MYLK: variants seen among roughly 807,000 people sequenced by gnomAD.
MYLK encodes myosin light chain kinase, also known as myosin light chain kinase, smooth muscle.
MYLK carries 106 observed loss-of-function variants against 203.4 expected under a neutral mutation model. The ratio of observed to expected loss-of-function variants is 0.52; its 90% CI spans 0.45 to 0.61. The LOEUF (loss-of-function observed/expected upper bound fraction) is 0.61, where lower values mean the gene tolerates loss of function less well. Ranked by LOEUF, MYLK falls within the 20% of genes least tolerant of loss-of-function variation. The pLI is 0.00. For synonymous variants in MYLK, 867 were observed against 959.5 expected (o/e 0.90, Z 1.78); for missense variants, 2,072 against 2,442.3 (o/e 0.85, Z 3.20).
At chr3:123,772,496 G>A (rs1560198227) in intron 4 of MYLK, among the ~76,000 whole-genome samples, 1 of 151,896 alleles carries the variant, frequency 6.6e-6, no homozygotes, top group Non-Finnish European at 1.5e-5. Flanking sequence ...GAAGAAATGT[G>A]GATATAATCT....
chr3:123,777,437 G>T (rs1001244141), intron 4 of MYLK, among the ~76,000 whole-genome samples: 1 of 152,194 alleles, frequency 6.6e-6, no homozygotes, highest in Non-Finnish European at 1.5e-5. Context: ...TTATAAGCAC[G>T]GGGCTGGCCA....
rs114498581 is a variant in MYLK, at chr3:123,813,291, G to C, written c.-4+18257C>G. Among the ~76,000 whole-genome samples the C allele has an allele frequency of 5.3e-3, 802 of 152,322 alleles. 5 individuals carry two copies. The highest frequency in any genetic ancestry group is 0.018 in the African/African-American group (749 of 41,572). On this transcript the variant is annotated intron_variant, in intron 3 of 33. Transcript: ENST00000360304. Reference sequence around the variant, plus strand: ...TTGAGATTTTAATGGTCATGTACCAGGTTTGTGGGATGGGGGAGGAAGACT... The same window carrying C: ...TTGAGATTTTAATGGTCATGTACCACGTTTGTGGGATGGGGGAGGAAGACT...
At chr3:123,698,287 T>C (rs1464780006) in intron 18 of MYLK, among the ~76,000 whole-genome samples, 1 of 152,122 alleles carries the variant, frequency 6.6e-6, no homozygotes, top group Non-Finnish European at 1.5e-5. Flanking sequence ...TCAAGAAAGA[T>C]ATTAAGAATG....
At chr3:123,621,249 T>C (rs1279014400) in intron 31 of MYLK, 1 of 152,230 alleles carries the variant, frequency 6.6e-6, no homozygotes, top group Non-Finnish European at 1.5e-5. Context: ...ACCTTTTTTC[T>C]AAGGTTAACA....
rs2057215943 is a variant in MYLK at position 123,610,052 on chromosome 3, A to G, written c.*4053T>C. The stretch of plus-strand genomic sequence containing the variant: ...AAAGAATTAAGAACAACAACACTTG[A>G]GTATCGAGACTATATTATCCAATAC... On this transcript the variant is annotated 3_prime_UTR_variant, in exon 34 of 34. Coordinates refer to ENST00000360304, the MANE Select transcript of MYLK (RefSeq NM_053025.4). 1 of 152,218 alleles carries G rather than the reference A, an allele frequency of 6.6e-6. No homozygotes were observed. Among genetic ancestry groups the G allele is most frequent in the South Asian group, 2.1e-4 (1 of 4,830 alleles). The allele number at this position is 152,218 out of a possible 1,614,324, so 9.4% of individuals were successfully genotyped here. A position where few individuals can be genotyped will look rare whatever the true frequency, so the allele number is the denominator to read the frequency against.
rs1553826494 is a variant in MYLK at position 123,740,008 on chromosome 3, G to T, written c.374-7C>A. The T allele has an allele frequency of 6.2e-7, 1 of 1,613,686 alleles. No individual in the cohort carries two copies. Among genetic ancestry groups the T allele is most frequent in the African/African-American group, 1.3e-5 (1 of 74,932 alleles). On this transcript the variant is annotated splice_region_variant and splice_polypyrimidine_tract_variant and intron_variant, in intron 5 of 33. Transcript: ENST00000360304. Reference sequence around the variant, plus strand: ...AGCTGCTTCGCAAAACTTCCTGCAAGAAAAAGAGTTGATGAGTCAGGTCTG... The same window carrying T: ...AGCTGCTTCGCAAAACTTCCTGCAATAAAAAGAGTTGATGAGTCAGGTCTG...
intron 24 of MYLK, among the ~76,000 whole-genome samples, chr3:123,652,173 TGA>T (rs1165984543): frequency 6.6e-6 from 1 of 150,704 alleles, no homozygotes; most frequent in Non-Finnish European, 1.5e-5. Flanking sequence ...AGGGGAGGAG[TGA>T]GAGAGAAGTA....
chr3:123,814,419 G>T (rs1224318874), intron 3 of MYLK, among the ~76,000 whole-genome samples: 1 of 152,126 alleles, frequency 6.6e-6, no homozygotes, highest in Non-Finnish European at 1.5e-5. Context: ...ACTCACCCGA[G>T]TTCCCTTGTC....
rs145432168 is a variant in MYLK, at chr3:123,664,006, G to A, written c.3985+99C>T. Reference sequence around the variant, plus strand: ...TAAATCAGGCACAGGAGTGGTGAGAGATAATGGGTGATGAAGTCCTGAGGC... The same window carrying A: ...TAAATCAGGCACAGGAGTGGTGAGAAATAATGGGTGATGAAGTCCTGAGGC... On this transcript the variant is annotated intron_variant, in intron 23 of 33. Transcript: ENST00000360304. 91 of 1,528,164 alleles carry A rather than the reference G, an allele frequency of 6.0e-5. No homozygotes were observed. The African/African-American group carries it at 1.2e-3, about 20-fold the overall frequency. The allele number at this position is 1,528,164 out of a possible 1,614,324, so 94.7% of individuals were successfully genotyped here.
At chr3:123,876,952 G>T (rs2033187248) in intron 1 of MYLK, among the ~76,000 whole-genome samples, 1 of 152,138 alleles carries the variant, frequency 6.6e-6, no homozygotes, top group Admixed American at 6.5e-5. Flanking sequence ...TTTATGACTT[G>T]TCTCTGTAAA....
chr3:123,735,557 T>A, intron 8 of MYLK, 141 bp from the exon 9 acceptor site: 1 of 883,118 alleles, frequency 1.1e-6, no homozygotes, highest in Non-Finnish European at 1.9e-6. Flanking sequence ...GTCTTTGGCC[T>A]TTGAACTCCC....
rs2058331245 is a variant in MYLK at position 123,629,723 on chromosome 3, C to T, written c.4962-97G>A. 2 of 1,313,820 alleles carry T rather than the reference C, an allele frequency of 1.5e-6. No homozygotes were observed. Among genetic ancestry groups the T allele is most frequent in the Non-Finnish European group, 2.2e-6 (2 of 916,914 alleles). 81.4% of individuals were successfully genotyped at this position (1,313,820 alleles called of 1,614,324 possible). A position where few individuals can be genotyped will look rare whatever the true frequency, so the allele number is the denominator to read the frequency against. On this transcript the variant is annotated intron_variant, in intron 29 of 33. Coordinates refer to ENST00000360304, the MANE Select transcript of MYLK (RefSeq NM_053025.4). The surrounding 1 kb of genome is among the most constrained non-coding windows in gnomAD (Gnocchi z 4.4). ...GTCAAAGGCGAGGGTCGGCCAGCCT[C>T]CCCACCCCCAAACTCATGCTCTGTG...
At chr3:123,620,695 T>C in intron 31 of MYLK, 3 of 1,037,192 alleles carry the variant, frequency 2.9e-6, no homozygotes, top group Non-Finnish European at 3.5e-6. Flanking sequence ...GACTTATTGC[T>C]GACTGGGCCT....
intron 3 of MYLK, among the ~76,000 whole-genome samples, chr3:123,815,127 C>T (rs896742581): frequency 6.6e-6 from 1 of 152,130 alleles, no homozygotes; most frequent in Non-Finnish European, 1.5e-5. Context: ...AGATTATTTC[C>T]CCAAGATACA....
intron 24 of MYLK, among the ~76,000 whole-genome samples, chr3:123,655,641 C>T (rs1053526998): frequency 2.0e-5 from 3 of 152,194 alleles, no homozygotes; most frequent in Non-Finnish European, 4.4e-5. Flanking sequence ...AGCCTGACCT[C>T]TTCCCTCAGT....
At chr3:123,792,731 C>T (rs948165833) in intron 4 of MYLK, among the ~76,000 whole-genome samples, 2 of 152,204 alleles carry the variant, frequency 1.3e-5, no homozygotes, top group African/African-American at 4.8e-5. Flanking sequence ...AGAGTCAGGG[C>T]AACAGAAGAC....
chr3:123,857,395 C>G (rs1395077151), intron 2 of MYLK, among the ~76,000 whole-genome samples: 3 of 151,744 alleles, frequency 2.0e-5, no homozygotes, highest in Non-Finnish European at 4.4e-5. Flanking sequence ...TTGGAACCAA[C>G]CCAAATGTCC....
At chr3:123,618,510 C>T (rs530740798) in intron 33 of MYLK, 129 bp downstream of exon 33, 2 of 1,331,378 alleles carry the variant, frequency 1.5e-6, no homozygotes, top group African/African-American at 1.4e-5. Flanking sequence ...CCCAGTTTCC[C>T]CCAAAGCTTG....
intron 9 of MYLK, 143 bp from the exon 10 acceptor site, chr3:123,734,365 T>C: frequency 1.2e-6 from 1 of 811,992 alleles, no homozygotes; most frequent in Non-Finnish European, 1.8e-6. Flanking sequence ...AGTAAGAGCA[T>C]CTTTCTCTGC....
Sources: gnomAD v4.1 joint callset for allele counts (sites outside exome capture counted in the v4.1 genomes callset) on GRCh38, gnomAD v4.1.1 for gene constraint, Gnocchi (gnomAD v3.1) non-coding constraint, MANE v1.5 for transcripts, NCBI Gene and HGNC (gene_info 2026-07-23, HGNC 2026-07-21) for gene names.